Variants in FAM124A observed in about 807,000 individuals in gnomAD.
FAM124A encodes protein FAM124A.
Under a neutral mutation model 24.5 loss-of-function variants are expected in FAM124A, and 23 were observed. The observed-to-expected ratio is 0.94, with a 90% CI of 0.68 to 1.33. FAM124A has a LOEUF of 1.33. FAM124A is among the 40% of genes most tolerant of loss of function. The pLI, the probability that FAM124A is intolerant of heterozygous loss-of-function variation, is 0.00. For synonymous variants in FAM124A, 287 were observed against 314.7 expected (o/e 0.91, Z 0.93); for missense variants, 623 against 722.8 (o/e 0.86, Z 1.58).
intron 3 of FAM124A, among the ~76,000 whole-genome samples, chr13:51,275,623 A>AT (rs1418556997): frequency 6.6e-6 from 1 of 152,252 alleles, no homozygotes; most frequent in Admixed American, 6.5e-5. Context: ...AACATCTCAT[A>AT]AGATGCTCAA....
intron 2 of FAM124A, among the ~76,000 whole-genome samples, chr13:51,233,633 C>A (rs1384814936): frequency 6.6e-6 from 1 of 152,128 alleles, no homozygotes; most frequent in Non-Finnish European, 1.5e-5. Flanking sequence ...CTCCTCCCAG[C>A]CAGGAGCATA....
chr13:51,224,893 T>C (rs112958201), intron 1 of FAM124A, among the ~76,000 whole-genome samples: 443 of 152,246 alleles, frequency 2.9e-3, no homozygotes, highest in African/African-American at 0.01. Context: ...CCTTGTATTT[T>C]TCTGTTTCCT....
intron 3 of FAM124A, among the ~76,000 whole-genome samples, chr13:51,273,513 T>G (rs1230468020): frequency 6.6e-6 from 1 of 152,208 alleles, no homozygotes; most frequent in African/African-American, 2.4e-5. Context: ...GCTTAAGCGA[T>G]CCTTCCACCT....
At position 51,280,536 on chromosome 13, in the gene FAM124A, C is replaced by T. The variant is rs780841660; in HGVS notation, c.921C>T (p.Ser307=). 1 of 1,614,052 alleles carries T rather than the reference C, an allele frequency of 6.2e-7. No homozygotes were observed. Among genetic ancestry groups the T allele is most frequent in the Non-Finnish European group, 8.5e-7 (1 of 1,180,032 alleles). The stretch of plus-strand genomic sequence containing the variant: ...AACGTCATTCCACTCCTTTGCCGAG[C>T]ACTGCTGTACCAAGCCATACACCTG... ...EKKRHSTPLP[S]TAVPSHTPGS... is the part of the protein sequence containing the mutation. Residue 307 remains serine (S), a synonymous_variant, in exon 4 of 4, where the codon AGC becomes AGT. Transcript: ENST00000322475.
At chr13:51,273,552 C>T (rs1300703438) in intron 3 of FAM124A, among the ~76,000 whole-genome samples, 1 of 152,152 alleles carries the variant, frequency 6.6e-6, no homozygotes, top group South Asian at 2.1e-4. Context: ...GGACTACAGG[C>T]GTGTAACATT....
In FAM124A at chr13:51,258,824, C is replaced by G. The variant is rs949055929; in HGVS notation, c.834+6623C>G. Among the ~76,000 whole-genome samples, 1 of 152,200 alleles carries G rather than the reference C, an allele frequency of 6.6e-6. No individual in the cohort carries two copies. Among genetic ancestry groups the G allele is most frequent in the African/African-American group, 2.4e-5 (1 of 41,456 alleles). The stretch of plus-strand genomic sequence containing the variant: ...GCACCCATGACCCGGGAATGGCAAC[C>G]GTTACCACACACAGGTGGATGGGTT... On this transcript the variant is annotated intron_variant, in intron 3 of 3. Coordinates refer to ENST00000322475, the MANE Select transcript of FAM124A (RefSeq NM_001242312.2). This position sits in a 1 kb window ranked among gnomAD's most constrained non-coding sequence, Gnocchi z 4.2.
rs1954930318 is a variant in FAM124A at position 51,280,931 on chromosome 13, G to A, written c.1316G>A (p.Ser439Asn). Residue 439 changes from serine to asparagine, a missense_variant, in exon 4 of 4, where the codon AGC (serine) becomes AAC (asparagine). By Grantham distance (46) the Ser-to-Asn change is conservative. Coordinates refer to ENST00000322475, the MANE Select transcript of FAM124A (RefSeq NM_001242312.2). ...TATTCTGCACCCAGTAGGTTCTGCA[G>A]CACAGTGGAGACACCCCTCCCCTCC... ...SAYSAPSRFC[S>N]TVETPLPSER... The A allele has an allele frequency of 1.2e-6, 2 of 1,614,072 alleles. No homozygotes were observed. The highest frequency in any genetic ancestry group is 4.5e-5 in the East Asian group (2 of 44,866).
Position 51,252,161 on chromosome 13 carries a change from G to A in FAM124A, c.794G>A (p.Trp265Ter). The change falls in exon 3 of 4, where the codon TGG becomes TAG. Residue 265 changes from tryptophan (W) to a stop codon, truncating the protein, a stop_gained. Transcript: ENST00000322475. LOFTEE classifies it low-confidence loss of function (END_TRUNC). ...TGCAGCCCCATCAGCGAGGGGCGCTGGCAGACGGAGGACCATGATGGGAAC... is the reference window on the plus strand; with the variant it reads ...TGCAGCCCCATCAGCGAGGGGCGCTAGCAGACGGAGGACCATGATGGGAAC... ...NPCSPISEGR[W>*]QTEDHDGNKI... The A allele has an allele frequency of 1.9e-6, 3 of 1,613,736 alleles. No individual in the cohort carries two copies. The highest frequency in any genetic ancestry group is 2.5e-6 in the Non-Finnish European group (3 of 1,180,024).
At chr13:51,252,795 T>A (rs1954639817) in intron 3 of FAM124A, 1 of 152,690 alleles carries the variant, frequency 6.5e-6, no homozygotes, top group South Asian at 2.1e-4. Context: ...TTTTAAGGAG[T>A]AAGTGATGCC....
Position 51,280,896 on chromosome 13 carries a change from G to T in FAM124A, c.1281G>T (p.Val427=). Residue 427 remains valine, a synonymous_variant, in exon 4 of 4, where the codon GTG becomes GTT. Transcript: ENST00000322475. ...GGCTGTCCTCATCGGACCTGTCTGT[G>T]GTCTCTGCATATTCTGCACCCAGTA... ...GLRLSSSDLS[V]VSAYSAPSRF... 2 of 1,614,134 alleles carry T rather than the reference G, an allele frequency of 1.2e-6. No individual in the cohort carries two copies. The highest frequency in any genetic ancestry group is 1.7e-6 in the Non-Finnish European group (2 of 1,180,016).
In FAM124A at chr13:51,284,158, G is replaced by T. The variant is rs1227988142; in HGVS notation, c.*2902G>T. The T allele has an allele frequency of 6.6e-6, 1 of 152,178 alleles. No individual in the cohort carries two copies. Among genetic ancestry groups the T allele is most frequent in the Non-Finnish European group, 1.5e-5 (1 of 68,034 alleles). 9.4% of individuals were successfully genotyped at this position (152,178 alleles called of 1,614,324 possible). On this transcript the variant is annotated 3_prime_UTR_variant, in exon 4 of 4. Coordinates refer to ENST00000322475, the MANE Select transcript of FAM124A (RefSeq NM_001242312.2). ...GAAGGGCTTCCAATACTCTCTGGAGGATCCTGACTCGTTTGGAGTATTATC... is the reference window on the plus strand; with the variant it reads ...GAAGGGCTTCCAATACTCTCTGGAGTATCCTGACTCGTTTGGAGTATTATC...
At chr13:51,235,159 A>AT (rs1286098569) in intron 2 of FAM124A, among the ~76,000 whole-genome samples, 1 of 151,698 alleles carries the variant, frequency 6.6e-6, no homozygotes, top group Non-Finnish European at 1.5e-5. Flanking sequence ...TTTTATTTTT[A>AT]TTTTTTTCAA....
chr13:51,246,957 A>C (rs1262111337), intron 2 of FAM124A, among the ~76,000 whole-genome samples: 1 of 152,078 alleles, frequency 6.6e-6, no homozygotes, highest in African/African-American at 2.4e-5. Context: ...CATTCCTTTC[A>C]CTTGTGCACC....
chr13:51,224,039 C>T (rs772224396), intron 1 of FAM124A, among the ~76,000 whole-genome samples: 3 of 152,214 alleles, frequency 2.0e-5, no homozygotes, highest in Non-Finnish European at 4.4e-5. Flanking sequence ...CAGGGGGTGA[C>T]ATCGCCCCAG....
chr13:51,275,811 A>G (rs995157247), intron 3 of FAM124A, among the ~76,000 whole-genome samples: 3 of 152,248 alleles, frequency 2.0e-5, no homozygotes, highest in African/African-American at 7.2e-5. Flanking sequence ...GGAAACTGAC[A>G]GTATCTACTA....
At chr13:51,268,432 C>G (rs1002894101) in intron 3 of FAM124A, among the ~76,000 whole-genome samples, 1 of 152,202 alleles carries the variant, frequency 6.6e-6, no homozygotes, top group African/African-American at 2.4e-5. Context: ...CTTTTATCTC[C>G]TTTTCACTAG....
intron 3 of FAM124A, among the ~76,000 whole-genome samples, chr13:51,268,420 G>C (rs867546601): frequency 2.6e-5 from 4 of 152,174 alleles, no homozygotes; most frequent in Non-Finnish European, 4.4e-5. Context: ...AACAAAAAGC[G>C]TCTTTTATCT....
intron 3 of FAM124A, among the ~76,000 whole-genome samples, chr13:51,276,807 G>C (rs1041150438): frequency 3.3e-5 from 5 of 152,110 alleles, no homozygotes; most frequent in African/African-American, 1.2e-4. Flanking sequence ...TGGCCATCAC[G>C]GGCTCATTAC....
chr13:51,250,581 G>A (rs938494059), intron 2 of FAM124A, among the ~76,000 whole-genome samples: 3 of 152,312 alleles, frequency 2.0e-5, no homozygotes, highest in East Asian at 1.9e-4. Flanking sequence ...CAGGTGTTCC[G>A]CCAGAGATCA....
Sources: gnomAD v4.1 joint callset for allele counts (sites outside exome capture counted in the v4.1 genomes callset) on GRCh38, gnomAD v4.1.1 for gene constraint, Gnocchi (gnomAD v3.1) non-coding constraint, MANE v1.5 for transcripts, NCBI Gene and HGNC (gene_info 2026-07-23, HGNC 2026-07-21) for gene names.